Variants in MIA2 observed in about 807,000 individuals in gnomAD.
MIA2 encodes the protein melanoma inhibitory activity protein 2.
A neutral mutation model predicts 167.8 loss-of-function variants in MIA2; 127 were observed. The observed-to-expected ratio is 0.76, with a 90% CI of 0.66 to 0.88. The LOEUF (loss-of-function observed/expected upper bound fraction) is 0.88, where lower values mean the gene tolerates loss of function less well. MIA2 is among the 40% of genes least tolerant of loss of function. MIA2 has a pLI of 0.00. For missense variants in MIA2, 1,690 were observed against 1,624.7 expected (o/e 1.04, Z -0.69); for synonymous variants, 552 against 541.9 (o/e 1.02, Z -0.26).
intron 13 of MIA2, among the ~76,000 whole-genome samples, chr14:39,299,068 TAAAAAAAAA>T (rs3065043): frequency 6.6e-4 from 29 of 44,024 alleles, no homozygotes; most frequent in African/African-American, 2.2e-3. Context: ...TCCCTGCCTC[TAAAAAAAAA>T]AAAAAAAAAA....
chr14:39,267,589 G>C, intron 6 of MIA2: 1 of 1,584,002 alleles, frequency 6.3e-7, no homozygotes, highest in African/African-American at 1.3e-5. Context: ...GAAGGAAGCA[G>C]TAGACCGGCT....
At chr14:39,385,678 A>G in intron 23 of MIA2, 1 of 978,320 alleles carries the variant, frequency 1.0e-6, no homozygotes, top group Middle Eastern at 2.9e-4. Flanking sequence ...CTTTTCTTCA[A>G]CTTGAGGGGC....
At chr14:39,270,388 GAC>G (rs1440097104) in intron 6 of MIA2, among the ~76,000 whole-genome samples, 1 of 151,514 alleles carries the variant, frequency 6.6e-6, no homozygotes, top group Admixed American at 6.6e-5. Context: ...TTTTAGTAGA[GAC>G]AGGTTTCACC....
chr14:39,306,752 G>A (rs2063399626), intron 17 of MIA2, among the ~76,000 whole-genome samples: 1 of 152,048 alleles, frequency 6.6e-6, no homozygotes, highest in South Asian at 2.1e-4. Context: ...AAGATTTGTG[G>A]TGGTGATTCA....
chr14:39,307,870 A>T (rs2063615878), intron 17 of MIA2, among the ~76,000 whole-genome samples: 4 of 152,148 alleles, frequency 2.6e-5, no homozygotes, highest in African/African-American at 9.6e-5. Context: ...TCTCACTTAT[A>T]TATGGGAGCT....
intron 10 of MIA2, 60 bp downstream of exon 10, chr14:39,291,156 C>G (rs985201866): frequency 7.0e-7 from 1 of 1,422,688 alleles, no homozygotes; most frequent in Non-Finnish European, 9.6e-7. Flanking sequence ...GTAACAAAAA[C>G]TTTAAAAATG....
At chr14:39,312,186 A>G (rs2064434565) in intron 18 of MIA2, among the ~76,000 whole-genome samples, 1 of 152,172 alleles carries the variant, frequency 6.6e-6, no homozygotes, top group African/African-American at 2.4e-5. Flanking sequence ...AATTTCTATT[A>G]TTAATAGGCC....
At position 39,296,471 on chromosome 14, in the gene MIA2, T is replaced by C. The variant is rs1046379687; in HGVS notation, c.2496+1442T>C. Among the ~76,000 whole-genome samples, 3 of 151,894 alleles carry C rather than the reference T, an allele frequency of 2.0e-5. No individual in the cohort carries two copies. The East Asian group carries it at 5.8e-4, about 29-fold the overall frequency. On this transcript the variant is annotated intron_variant, in intron 13 of 28. Coordinates refer to ENST00000640607, the MANE Select transcript of MIA2 (RefSeq NM_001329214.4). ...GGAAGCTTTTAATATCTTTTTATTG[T>C]TTCCCCTTCTCTGAAATTACAGATC...
At chr14:39,268,181 T>C (rs745699477) in intron 6 of MIA2, among the ~76,000 whole-genome samples, 2 of 152,208 alleles carry the variant, frequency 1.3e-5, no homozygotes, top group Non-Finnish European at 2.9e-5. Context: ...GGTATCTTTG[T>C]TGACATGTGT....
intron 23 of MIA2, among the ~76,000 whole-genome samples, chr14:39,382,446 C>T (rs977299626): frequency 8.5e-5 from 13 of 152,218 alleles, no homozygotes; most frequent in Non-Finnish European, 1.9e-4. Flanking sequence ...AGGTTGAGGA[C>T]ATGCCCAGGA....
chr14:39,266,766 A>G, intron 6 of MIA2: 1 of 981,046 alleles, frequency 1.0e-6, no homozygotes, highest in Non-Finnish European at 1.2e-6. Context: ...CAGGGCGCAG[A>G]CAGCAGGCTC....
intron 15 of MIA2, among the ~76,000 whole-genome samples, chr14:39,302,509 T>G (rs898090080): frequency 6.6e-6 from 1 of 152,214 alleles, no homozygotes; most frequent in Admixed American, 6.5e-5. Flanking sequence ...CATATCTTTA[T>G]TATAGCCATT....
intron 23 of MIA2, among the ~76,000 whole-genome samples, chr14:39,365,250 G>A (rs2074794617): frequency 6.6e-6 from 1 of 152,094 alleles, no homozygotes; most frequent in Admixed American, 6.6e-5. Flanking sequence ...ATCTTTAGTA[G>A]AGACGGGGTT....
At chr14:39,356,174 A>C (rs1478581670), downstream of MIA2, among the ~76,000 whole-genome samples, 11 of 151,054 alleles carry the variant, frequency 7.3e-5, no homozygotes, top group East Asian at 2.1e-3. Flanking sequence ...CTGTGAATCC[A>C]TCTGGTCCTG....
At chr14:39,237,356 G>A (rs2053800459) in intron 2 of MIA2, 1 of 345,726 alleles carries the variant, frequency 2.9e-6, no homozygotes, top group Admixed American at 4.3e-5. Context: ...ACAAACCCCT[G>A]AGCTAAAGTA....
intron 6 of MIA2, among the ~76,000 whole-genome samples, chr14:39,267,778 A>G (rs2056220454): frequency 6.6e-6 from 1 of 152,234 alleles, no homozygotes; most frequent in African/African-American, 2.4e-5. Flanking sequence ...TGGACTTTGC[A>G]AAGATGTAAA....
rs768922866 is a variant in MIA2, at chr14:39,276,897, G to A, written c.1888-37G>A. On this transcript the variant is annotated intron_variant, in intron 6 of 28. Transcript: ENST00000640607. ...TTTGTAATCAATATTTTTACCAAAA[G>A]TACATTTTTAAGAACTTACTTTTCT... The A allele has an allele frequency of 2.5e-6, 4 of 1,601,476 alleles. No individual in the cohort carries two copies. In the African/African-American group the frequency reaches 4.1e-5, roughly 16 times the overall value.
At chr14:39,350,009 G>T in intron 28 of MIA2, 89 bp from the exon 29 acceptor site, 3 of 544,992 alleles carry the variant, frequency 5.5e-6, no homozygotes, top group Non-Finnish European at 3.3e-6. Context: ...AAAAGAATAG[G>T]TAATGGAAGT....
intron 25 of MIA2, among the ~76,000 whole-genome samples, chr14:39,345,629 A>G (rs1249714811): frequency 6.6e-6 from 1 of 152,206 alleles, no homozygotes. Flanking sequence ...TTACATATAT[A>G]TAAAACTAAA....
Sources: gnomAD v4.1 joint callset for allele counts (sites outside exome capture counted in the v4.1 genomes callset) on GRCh38, gnomAD v4.1.1 for gene constraint, MANE v1.5 for transcripts, NCBI Gene and HGNC (gene_info 2026-07-23, HGNC 2026-07-21) for gene names.